RAI2: variants seen among roughly 807,000 people sequenced by gnomAD.
The protein encoded by RAI2 is retinoic acid-induced protein 2.
RAI2 carries 5 observed loss-of-function variants against 15.3 expected under a neutral mutation model. That is an observed-to-expected ratio of 0.33 (90% CI 0.17 to 0.69). The LOEUF (loss-of-function observed/expected upper bound fraction) is 0.69. Among genes scored for constraint, RAI2 ranks in the 30% least tolerant of loss-of-function variants. The probability of loss-of-function intolerance (pLI) is 0.69; values close to 1 mark genes in which losing one functional copy is unlikely to be tolerated. For missense variants in RAI2, 424 were observed against 424.7 expected, an observed-to-expected ratio of 1.00 and a Z score of 0.01; for synonymous variants, 191 against 184.0, an observed-to-expected ratio of 1.04 and a Z score of -0.31.
Position 17,801,282 on chromosome X carries a change from T to A in RAI2, c.729A>T (p.Pro243=). The change falls in exon 2 of 2, where the codon CCA becomes CCT. Residue 243 remains proline (P), a synonymous_variant. Coordinates refer to ENST00000451717, the MANE Select transcript of RAI2 (RefSeq NM_021785.6). The part of the protein sequence containing the change: ...PYPVIVPLPV[P]VPIPIPIPMP... ...TCGGGATGGGGATGGGAATAGGGACTGGCACAGGCAAGGGGACGATTACAG... is the reference window on the plus strand; with the variant it reads ...TCGGGATGGGGATGGGAATAGGGACAGGCACAGGCAAGGGGACGATTACAG... The A allele has an allele frequency of 8.4e-7, 1 of 1,190,143 alleles. No individual in the cohort carries two copies. Among genetic ancestry groups the A allele is most frequent in the Non-Finnish European group, 1.1e-6 (1 of 884,832 alleles).
At chrX:17,830,515 T>A (rs1272217362) in intron 1 of RAI2, among the ~76,000 whole-genome samples, 1 of 110,191 alleles carries the variant, frequency 9.1e-6, no homozygotes, top group Non-Finnish European at 1.9e-5. Flanking sequence ...TTTTTTTTTT[T>A]AAAGACTCAG....
chrX:17,841,598 C>G (rs968702614), intron 1 of RAI2, among the ~76,000 whole-genome samples: 3 of 112,330 alleles, frequency 2.7e-5, no homozygotes, highest in African/African-American at 9.7e-5. Context: ...CAATACGATA[C>G]TATTCATTTG....
At chrX:17,808,620 C>A (rs1157542954) in intron 1 of RAI2, among the ~76,000 whole-genome samples, 1 of 110,660 alleles carries the variant, frequency 9.0e-6, no homozygotes, top group Admixed American at 9.6e-5. Context: ...ACACACCAAA[C>A]TCCCTCCTCT....
intron 1 of RAI2, among the ~76,000 whole-genome samples, chrX:17,833,906 C>A (rs1419343175): frequency 8.9e-6 from 1 of 112,131 alleles, no homozygotes; most frequent in East Asian, 2.8e-4. Context: ...ATTCTACCTA[C>A]CTGCTTTGGC....
At chrX:17,808,075 A>G (rs1435050020) in intron 1 of RAI2, among the ~76,000 whole-genome samples, 2 of 111,734 alleles carry the variant, frequency 1.8e-5, no homozygotes, top group African/African-American at 6.5e-5. Context: ...TTAAAACATT[A>G]TGAGATTTTT....
chrX:17,823,137 C>T (rs779436550), intron 1 of RAI2, among the ~76,000 whole-genome samples: 2 of 112,405 alleles, frequency 1.8e-5, no homozygotes, highest in South Asian at 3.7e-4. Flanking sequence ...CTCCTTTAGC[C>T]TCTCTATGCC....
intron 1 of RAI2, among the ~76,000 whole-genome samples, chrX:17,859,966 T>C (rs1037436530): frequency 8.9e-6 from 1 of 112,588 alleles, no homozygotes. Context: ...GCTTTTTCCT[T>C]GGAAAACTGG....
At chrX:17,805,729 C>T (rs1288491807) in intron 1 of RAI2, among the ~76,000 whole-genome samples, 1 of 112,351 alleles carries the variant, frequency 8.9e-6, no homozygotes, top group Non-Finnish European at 1.9e-5. Flanking sequence ...CCTCCTTCAA[C>T]AGGACAGCTC....
At chrX:17,826,077 T>A (rs1299076951) in intron 1 of RAI2, among the ~76,000 whole-genome samples, 1 of 112,569 alleles carries the variant, frequency 8.9e-6, no homozygotes, top group Non-Finnish European at 1.9e-5. Flanking sequence ...TACTTTAAAA[T>A]AAAAGCCAAG....
At chrX:17,834,131 G>A (rs1042272880) in intron 1 of RAI2, among the ~76,000 whole-genome samples, 1 of 111,854 alleles carries the variant, frequency 8.9e-6, no homozygotes, top group Non-Finnish European at 1.9e-5. Flanking sequence ...GTCAAAGGCA[G>A]GCACCCAGCC....
At chrX:17,843,219 C>T in intron 1 of RAI2, among the ~76,000 whole-genome samples, 1 of 111,682 alleles carries the variant, frequency 9.0e-6, no homozygotes, top group Middle Eastern at 4.6e-3. Flanking sequence ...TTTCCATGCA[C>T]TCCAACGAGT....
intron 1 of RAI2, among the ~76,000 whole-genome samples, chrX:17,810,334 G>A (rs1201850412): frequency 4.5e-5 from 5 of 112,039 alleles, no homozygotes; most frequent in Non-Finnish European, 9.4e-5. Flanking sequence ...CAAAGTATGT[G>A]GGATGGCTTT....
intron 1 of RAI2, among the ~76,000 whole-genome samples, chrX:17,853,626 T>C (rs1240092374): frequency 9.0e-6 from 1 of 111,160 alleles, no homozygotes; most frequent in African/African-American, 3.3e-5. Context: ...GAAGAAACCA[T>C]GCTCCAGATA....
chrX:17,841,574 G>A (rs1328491638), intron 1 of RAI2, among the ~76,000 whole-genome samples: 6 of 112,289 alleles, frequency 5.3e-5, no homozygotes, highest in Non-Finnish European at 1.1e-4. Context: ...GTCGAGATAG[G>A]GACAATACGT....
chrX:17,859,829 C>A (rs2067664935), intron 1 of RAI2, among the ~76,000 whole-genome samples: 1 of 111,595 alleles, frequency 9.0e-6, no homozygotes, highest in Non-Finnish European at 1.9e-5. Flanking sequence ...GCCGTGCCCT[C>A]CCCACCTCTC....
chrX:17,815,216 G>C (rs2067092564), intron 1 of RAI2, among the ~76,000 whole-genome samples: 2 of 111,553 alleles, frequency 1.8e-5, no homozygotes, highest in Admixed American at 1.9e-4. Flanking sequence ...AAGATCGGCT[G>C]TATAACATCT....
At chrX:17,855,167 G>A (rs2067585672) in intron 1 of RAI2, among the ~76,000 whole-genome samples, 1 of 111,896 alleles carries the variant, frequency 8.9e-6, no homozygotes. Context: ...TTTTATTTAT[G>A]TCCTTGCTCT....
chrX:17,839,954 T>A (rs1046624838), intron 1 of RAI2, among the ~76,000 whole-genome samples: 1 of 112,547 alleles, frequency 8.9e-6, no homozygotes, highest in Non-Finnish European at 1.9e-5. Flanking sequence ...ACATGTAACA[T>A]GAACTAATTT....
At chrX:17,803,466 G>A (rs986581192) in intron 1 of RAI2, among the ~76,000 whole-genome samples, 2 of 110,442 alleles carry the variant, frequency 1.8e-5, no homozygotes, top group Admixed American at 9.6e-5. Context: ...AGGAGGCGGA[G>A]GTTGCAGTGA....
Sources: gnomAD v4.1 joint callset for allele counts (sites outside exome capture counted in the v4.1 genomes callset) on GRCh38, gnomAD v4.1.1 for gene constraint, MANE v1.5 for transcripts, NCBI Gene and HGNC (gene_info 2026-07-23, HGNC 2026-07-21) for gene names.